R3HDM1: variants seen among roughly 807,000 people sequenced by gnomAD.
The protein encoded by R3HDM1 is R3H domain containing 1.
A neutral mutation model predicts 141.1 loss-of-function variants in R3HDM1; 46 were observed. The ratio of observed to expected loss-of-function variants is 0.33; its 90% CI spans 0.26 to 0.42. R3HDM1 has a LOEUF of 0.42. Ranked by LOEUF, R3HDM1 falls within the 10% of genes least tolerant of loss-of-function variation. The pLI is 1.00. For synonymous variants in R3HDM1, 435 were observed against 472.9 expected, an observed-to-expected ratio of 0.92 and a Z score of 1.04; for missense variants, 1,184 against 1,368.3, an observed-to-expected ratio of 0.87 and a Z score of 2.12.
chr2:135,715,675 A>G lies in R3HDM1; in HGVS notation c.2862A>G (p.Arg954=). 6.2e-7 allele frequency: 1 copy of G among 1,613,546 alleles called. No homozygotes were observed. The change falls in exon 24 of 27, where the codon AGA becomes AGG. Residue 954 remains arginine, a synonymous_variant. Coordinates refer to ENST00000683871, the MANE Select transcript of R3HDM1 (RefSeq NM_001378107.1). ...PPLSIMPQFS[R]PFVPGQGDSR... is the part of the protein sequence containing the mutation. Reference sequence around the variant, plus strand: ...TTTCCATCATGCCCCAATTTTCTAGACCTTTTGTCCCCGGGCAAGGTAAGT... The same window carrying G: ...TTTCCATCATGCCCCAATTTTCTAGGCCTTTTGTCCCCGGGCAAGGTAAGT...
intron 15 of R3HDM1, among the ~76,000 whole-genome samples, chr2:135,643,772 T>G (rs1379516751): frequency 6.6e-6 from 1 of 152,218 alleles, no homozygotes; most frequent in Admixed American, 6.5e-5. Context: ...CATTAAATAC[T>G]ATGAAGCCAT....
chr2:135,716,967 C>A (rs72844192), intron 24 of R3HDM1, among the ~76,000 whole-genome samples: 4 of 9,616 alleles, frequency 4.2e-4, no homozygotes, highest in South Asian at 9.1e-3. Flanking sequence ...AAAAAACAAA[C>A]AAAAAAACAA....
chr2:135,579,634 T>C (rs745656249), intron 1 of R3HDM1, among the ~76,000 whole-genome samples: 6 of 149,218 alleles, frequency 4.0e-5, no homozygotes, highest in Non-Finnish European at 8.8e-5. Flanking sequence ...CTTAACCAGG[T>C]AAAGTAGAAG....
rs2065129009 is a variant in R3HDM1, at chr2:135,651,388, A to G, written c.1726-342A>G. 3.1e-6 allele frequency: 3 copies of G among 983,554 alleles called. No individual in the cohort carries two copies. In the South Asian group the frequency reaches 1.4e-4, roughly 46 times the overall value. The allele number at this position is 983,554 out of a possible 1,614,324, so 60.9% of individuals were successfully genotyped here. ...CCTTTCAGAAAATATTAATTGTATA[A>G]TATGAACTTGGCCAATTTCACTTCT... On this transcript the variant is annotated intron_variant, in intron 17 of 26. Coordinates refer to ENST00000683871, the MANE Select transcript of R3HDM1 (RefSeq NM_001378107.1).
At chr2:135,691,684 G>A (rs62168833) in intron 21 of R3HDM1, among the ~76,000 whole-genome samples, 31,223 of 151,654 alleles carry the variant, frequency 0.21, 3,754 homozygotes, top group East Asian at 0.44. Flanking sequence ...TTCTAGCTAC[G>A]TGGGAGGCTA....
At chr2:135,532,756 T>G (rs1695196644) in intron 1 of R3HDM1, among the ~76,000 whole-genome samples, 1 of 152,206 alleles carries the variant, frequency 6.6e-6, no homozygotes, top group Admixed American at 6.5e-5. Context: ...CAGGAATAAT[T>G]GGACACGTCT....
Position 135,651,407 on chromosome 2 carries a change from C to T in R3HDM1, c.1726-323C>T, listed in dbSNP as rs757594970. The T allele has an allele frequency of 8.2e-6, 8 of 980,734 alleles. No homozygotes were observed. In the South Asian group the frequency reaches 2.8e-4, roughly 35 times the overall value. 60.8% of individuals were successfully genotyped at this position (980,734 alleles called of 1,614,324 possible). On this transcript the variant is annotated intron_variant, in intron 17 of 26. Transcript: ENST00000683871. ...TGTATAATATGAACTTGGCCAATTT[C>T]ACTTCTACATTCTAATGTTGCTTTC...
chr2:135,531,857 C>T, intron 1 of R3HDM1: 1 of 985,102 alleles, frequency 1.0e-6, no homozygotes, highest in Non-Finnish European at 1.2e-6. Flanking sequence ...CCGAGTGAGC[C>T]AGGCTCGCCT....
intron 9 of R3HDM1, among the ~76,000 whole-genome samples, chr2:135,632,706 G>T (rs1054827791): frequency 6.6e-6 from 1 of 152,178 alleles, no homozygotes; most frequent in African/African-American, 2.4e-5. Flanking sequence ...ACAACTAGCT[G>T]AGTTCAGCTG....
At chr2:135,608,423 G>T (rs1390292934) in intron 3 of R3HDM1, among the ~76,000 whole-genome samples, 1 of 152,118 alleles carries the variant, frequency 6.6e-6, no homozygotes, top group African/African-American at 2.4e-5. Context: ...CTGGCAAGGG[G>T]TGTACAGTTG....
chr2:135,627,933 A>T (rs561346355), intron 7 of R3HDM1, among the ~76,000 whole-genome samples: 1 of 152,322 alleles, frequency 6.6e-6, no homozygotes, highest in Admixed American at 6.5e-5. Context: ...AATAATGACT[A>T]GAACAATAGT....
chr2:135,699,104 T>TAGATAGA (rs34393221), intron 21 of R3HDM1, among the ~76,000 whole-genome samples: 2 of 140,752 alleles, frequency 1.4e-5, no homozygotes, highest in African/African-American at 2.8e-5. Context: ...GATAGATAGA[T>TAGATAGA]TAGATATTCC....
At chr2:135,711,963 T>TAAA (rs35616482) in intron 23 of R3HDM1, among the ~76,000 whole-genome samples, 6 of 85,090 alleles carry the variant, frequency 7.1e-5, no homozygotes, top group Admixed American at 1.5e-4. Context: ...TGTCTAAAAT[T>TAAA]AAAAAAAAAA....
chr2:135,564,315 C>T (rs901578236), intron 1 of R3HDM1, among the ~76,000 whole-genome samples: 1 of 152,074 alleles, frequency 6.6e-6, no homozygotes, highest in Non-Finnish European at 1.5e-5. Flanking sequence ...AGAAAAATTT[C>T]CTTTTTTTGT....
chr2:135,640,368 A>G (rs2063679848), intron 14 of R3HDM1, among the ~76,000 whole-genome samples: 1 of 152,194 alleles, frequency 6.6e-6, no homozygotes. Context: ...TTGTGTACCA[A>G]ATATGCATTA....
intron 23 of R3HDM1, among the ~76,000 whole-genome samples, chr2:135,714,537 A>G (rs7600925): frequency 0.11 from 16,878 of 152,210 alleles, 1,183 homozygotes; most frequent in South Asian, 0.32. Context: ...ATCTTTTGCT[A>G]TAAGGGACAT....
intron 18 of R3HDM1, among the ~76,000 whole-genome samples, chr2:135,660,860 C>A (rs1487688145): frequency 1.1e-4 from 16 of 144,214 alleles, no homozygotes; most frequent in African/African-American, 3.3e-4. Flanking sequence ...AAAAAAAAAA[C>A]CTAAAAATAA....
At chr2:135,555,296 CAA>C (rs59569889) in intron 1 of R3HDM1, among the ~76,000 whole-genome samples, 42 of 79,516 alleles carry the variant, frequency 5.3e-4, no homozygotes, top group Admixed American at 1.2e-3. Flanking sequence ...ACTCTTGTCT[CAA>C]AAAAAAAAAA....
Position 135,722,019 on chromosome 2 carries a change from A to G in R3HDM1, c.2964+13A>G, listed in dbSNP as rs560934920. The G allele has an allele frequency of 8.1e-6, 13 of 1,603,354 alleles. No homozygotes were observed. The highest frequency in any genetic ancestry group is 5.3e-5 in the African/African-American group (4 of 74,822). On this transcript the variant is annotated intron_variant, in intron 25 of 26. Coordinates refer to ENST00000683871, the MANE Select transcript of R3HDM1 (RefSeq NM_001378107.1). ...TCCAAACCAACAGGTAGGAAAGACA[A>G]CTAACCTCCTAGGCTTTGTTGCAGA... is the stretch of plus-strand genomic sequence containing the variant.
Sources: gnomAD v4.1 joint callset for allele counts (sites outside exome capture counted in the v4.1 genomes callset) on GRCh38, gnomAD v4.1.1 for gene constraint, MANE v1.5 for transcripts, NCBI Gene and HGNC (gene_info 2026-07-23, HGNC 2026-07-21) for gene names.